Variants in CSMD3 observed in about 807,000 individuals in gnomAD.
The protein encoded by CSMD3 is CUB and sushi domain-containing protein 3.
Under a neutral mutation model 435.2 loss-of-function variants are expected in CSMD3, and 177 were observed. That is an observed-to-expected ratio of 0.41 (90% CI 0.36 to 0.46). The LOEUF (loss-of-function observed/expected upper bound fraction) is 0.46, where lower values mean the gene tolerates loss of function less well. CSMD3 is among the 20% of genes least tolerant of loss of function. The probability of loss-of-function intolerance (pLI) is 0.34; values close to 1 mark genes in which losing one functional copy is unlikely to be tolerated. For missense variants in CSMD3, 4,265 were observed against 4,504.6 expected, an observed-to-expected ratio of 0.95 and a Z score of 1.52; for synonymous variants, 1,656 against 1,520.5, an observed-to-expected ratio of 1.09 and a Z score of -2.07.
chr8:112,793,730 C>A (rs949540882), intron 13 of CSMD3, among the ~76,000 whole-genome samples: 4 of 152,100 alleles, frequency 2.6e-5, no homozygotes, highest in African/African-American at 9.7e-5. Flanking sequence ...TGTAATAAAA[C>A]CTTATTTGAA....
chr8:113,043,011 T>C (rs984762818), intron 5 of CSMD3, among the ~76,000 whole-genome samples: 1 of 152,178 alleles, frequency 6.6e-6, no homozygotes, highest in Non-Finnish European at 1.5e-5. Flanking sequence ...CCTCAACATA[T>C]ATAAACAAAA....
At chr8:113,057,815 T>A (rs1412879953) in intron 5 of CSMD3, among the ~76,000 whole-genome samples, 1 of 151,872 alleles carries the variant, frequency 6.6e-6, no homozygotes, top group Non-Finnish European at 1.5e-5. Flanking sequence ...ATGAGATGAA[T>A]AGATATGTAG....
intron 3 of CSMD3, among the ~76,000 whole-genome samples, chr8:113,259,960 C>G (rs573636779): frequency 1.3e-5 from 2 of 152,138 alleles, no homozygotes; most frequent in South Asian, 2.1e-4. Context: ...CCATGCTAAT[C>G]TCATGATAGT....
chr8:113,253,949 G>A (rs1418270871), intron 3 of CSMD3, among the ~76,000 whole-genome samples: 1 of 152,074 alleles, frequency 6.6e-6, no homozygotes, highest in Non-Finnish European at 1.5e-5. Flanking sequence ...TTTTCTTCCA[G>A]ATATAACATT....
chr8:112,396,592 G>A (rs1020911244), intron 35 of CSMD3, among the ~76,000 whole-genome samples: 1 of 152,102 alleles, frequency 6.6e-6, no homozygotes, highest in Non-Finnish European at 1.5e-5. Flanking sequence ...TGGGAAGTTG[G>A]TAAGGGTTGT....
At chr8:113,277,119 TTTATTAAGAG>T (rs1374934120) in intron 3 of CSMD3, among the ~76,000 whole-genome samples, 1 of 152,048 alleles carries the variant, frequency 6.6e-6, no homozygotes, top group Non-Finnish European at 1.5e-5. Context: ...ATACAGGTTT[TTTATTAAGAG>T]CGCTTAGCAC....
intron 1 of CSMD3, among the ~76,000 whole-genome samples, chr8:113,423,567 A>G (rs1286585948): frequency 9.2e-5 from 14 of 152,096 alleles, no homozygotes; most frequent in Admixed American, 7.9e-4. Flanking sequence ...TGTATAATAT[A>G]GCTTTGTCAA....
In CSMD3 at chr8:113,278,714, A is replaced by C; in HGVS notation, c.402-10T>G. ...ATGGAATCCTGTTAACCTAAAACAA[A>C]ATGGAATTAATTGTTAGAGACATAA... On this transcript the variant is annotated splice_polypyrimidine_tract_variant and intron_variant, in intron 2 of 70. Transcript: ENST00000297405. 1.7e-6 allele frequency: 2 copies of C among 1,194,830 alleles called. No homozygotes were observed. The highest frequency in any genetic ancestry group is 2.5e-6 in the Non-Finnish European group (2 of 797,816). The allele number at this position is 1,194,830 out of a possible 1,614,324, so 74.0% of individuals were successfully genotyped here.
At chr8:112,728,811 TTTGA>T (rs1169908512) in intron 13 of CSMD3, among the ~76,000 whole-genome samples, 40 of 152,206 alleles carry the variant, frequency 2.6e-4, no homozygotes, top group Admixed American at 7.2e-4. Flanking sequence ...CTGATATTTG[TTTGA>T]TTATTTCGGC....
At chr8:113,218,467 A>G (rs78757054) in intron 3 of CSMD3, among the ~76,000 whole-genome samples, 15,029 of 100,754 alleles carry the variant, frequency 0.15, 846 homozygotes, top group Middle Eastern at 0.2. Context: ...AAAGTGCTAC[A>G]AAAAAAAAAA....
At position 112,656,177 on chromosome 8, in the gene CSMD3, T is replaced by C; in HGVS notation, c.2981A>G (p.Asn994Ser). The change falls in exon 18 of 71, where the codon AAT becomes AGT. Residue 994 changes from asparagine to serine, a missense_variant. Around this residue, in one of 3 missense-constraint regions of CSMD3, gnomAD observed 3,255 missense variants for 3,380.2 expected, o/e 0.96. Coordinates refer to ENST00000297405, the MANE Select transcript of CSMD3 (RefSeq NM_198123.2). ...LFTTDNSRSNNGFKIHYESVT... is the reference protein window; with the variant it reads ...LFTTDNSRSNSGFKIHYESVT... ...ACTTTCATAATGAATCTTGAAACCATTATTGGAACGACTGTTGTCTGTTGT... is the reference window on the plus strand; with the variant it reads ...ACTTTCATAATGAATCTTGAAACCACTATTGGAACGACTGTTGTCTGTTGT... 2 of 1,570,856 alleles carry C rather than the reference T, an allele frequency of 1.3e-6. No homozygotes were observed. The highest frequency in any genetic ancestry group is 1.8e-6 in the Non-Finnish European group (2 of 1,141,264).
intron 49 of CSMD3, among the ~76,000 whole-genome samples, chr8:112,312,863 C>T (rs1275215978): frequency 6.6e-6 from 1 of 151,966 alleles, no homozygotes; most frequent in Non-Finnish European, 1.5e-5. Context: ...TCTGTCTATG[C>T]CCGGAATCAT....
At chr8:112,556,675 T>A (rs1476744683) in intron 25 of CSMD3, 88 bp downstream of exon 25, 3 of 1,039,486 alleles carry the variant, frequency 2.9e-6, no homozygotes, top group African/African-American at 1.6e-5. Flanking sequence ...GTTAGTTCTA[T>A]GAGGACAGAA....
At chr8:112,251,127 T>C (rs999879983) in intron 63 of CSMD3, among the ~76,000 whole-genome samples, 2 of 151,790 alleles carry the variant, frequency 1.3e-5, no homozygotes, top group African/African-American at 4.8e-5. Context: ...TATCACATGT[T>C]TGTTTAACTG....
At chr8:112,397,713 C>T (rs1260910011) in intron 35 of CSMD3, among the ~76,000 whole-genome samples, 4 of 152,132 alleles carry the variant, frequency 2.6e-5, no homozygotes, top group East Asian at 3.9e-4. Flanking sequence ...GAGCTCTGCC[C>T]TCATAACTAC....
intron 4 of CSMD3, among the ~76,000 whole-genome samples, chr8:113,128,548 T>C (rs2091202265): frequency 6.6e-6 from 1 of 151,982 alleles, no homozygotes; most frequent in Non-Finnish European, 1.5e-5. Flanking sequence ...ATTAAAATTA[T>C]ACAGAGAAGG....
chr8:113,191,328 C>T (rs1429915874), intron 3 of CSMD3, among the ~76,000 whole-genome samples: 2 of 151,678 alleles, frequency 1.3e-5, no homozygotes, highest in Non-Finnish European at 2.9e-5. Context: ...TGAGGTACAA[C>T]GATTCTATCA....
At chr8:113,002,153 C>T (rs1432364828) in intron 6 of CSMD3, among the ~76,000 whole-genome samples, 2 of 152,038 alleles carry the variant, frequency 1.3e-5, no homozygotes, top group African/African-American at 4.8e-5. Flanking sequence ...TTGTGTGAGA[C>T]AATGTGCAAA....
chr8:112,910,854 G>C (rs137870342), intron 10 of CSMD3, among the ~76,000 whole-genome samples: 2 of 151,762 alleles, frequency 1.3e-5, no homozygotes, highest in Non-Finnish European at 2.9e-5. Flanking sequence ...CAGTGAAAAC[G>C]ATTTTACCCA....
Sources: gnomAD v4.1 joint callset for allele counts (sites outside exome capture counted in the v4.1 genomes callset) on GRCh38, gnomAD v4.1.1 for gene constraint, gnomAD v4.1.1 regional missense constraint, MANE v1.5 for transcripts, NCBI Gene and HGNC (gene_info 2026-07-23, HGNC 2026-07-21) for gene names.